The following COL4A6 variants were observed in gnomAD, a reference collection of about 807,000 sequenced individuals.
COL4A6 encodes collagen alpha-6(IV) chain.
COL4A6 carries 59 observed loss-of-function variants against 126.7 expected under a neutral mutation model. That is an observed-to-expected ratio of 0.47 (90% CI 0.38 to 0.58). COL4A6 has a LOEUF of 0.58. Among genes scored for constraint, COL4A6 ranks in the 20% least tolerant of loss-of-function variants. COL4A6 has a pLI of 0.00. For synonymous variants in COL4A6, 547 were observed against 496.6 expected (o/e 1.10, Z -1.35); for missense variants, 1,285 against 1,337.3 (o/e 0.96, Z 0.61).
intron 2 of COL4A6, among the ~76,000 whole-genome samples, chrX:108,342,552 T>C (rs940238752): frequency 4.5e-5 from 5 of 111,775 alleles, no homozygotes; most frequent in Non-Finnish European, 9.4e-5. Context: ...CTAACACCCC[T>C]TTTGAACCAA....
chrX:108,203,475 C>T, intron 12 of COL4A6, among the ~76,000 whole-genome samples: 2 of 112,419 alleles, frequency 1.8e-5, no homozygotes, highest in Middle Eastern at 9.1e-3. Context: ...AGGAAGCAGA[C>T]AATCTCTTTC....
chrX:108,404,113 A>G (rs1196147516), intron 2 of COL4A6, among the ~76,000 whole-genome samples: 2 of 111,323 alleles, frequency 1.8e-5, no homozygotes, highest in Non-Finnish European at 3.8e-5. Flanking sequence ...TTGATCTTGA[A>G]CTTCCCAGCC....
chrX:108,175,076 C>A lies in COL4A6; in HGVS notation c.2956+14G>T. On this transcript the variant is annotated intron_variant, in intron 30 of 44. Coordinates refer to ENST00000334504, the MANE Select transcript of COL4A6 (RefSeq NM_033641.4). ...CTCTTGAGCATTTCTCCTATCCATCCCCTGCCCCAGCACCTCTTGGCCCAG... is the reference window on the plus strand; with the variant it reads ...CTCTTGAGCATTTCTCCTATCCATCACCTGCCCCAGCACCTCTTGGCCCAG... 1 of 1,173,190 alleles carries A rather than the reference C, an allele frequency of 8.5e-7. No individual in the cohort carries two copies.
chrX:108,230,554 A>G (rs1164801085), intron 3 of COL4A6, among the ~76,000 whole-genome samples: 1 of 111,872 alleles, frequency 8.9e-6, no homozygotes, highest in East Asian at 2.8e-4. Flanking sequence ...GAACTTAACA[A>G]ACTTTACCTC....
At chrX:108,299,030 A>G (rs1452957030) in intron 3 of COL4A6, among the ~76,000 whole-genome samples, 1 of 111,204 alleles carries the variant, frequency 9.0e-6, no homozygotes, top group Non-Finnish European at 1.9e-5. Context: ...AACCCACGTT[A>G]GGCATCTTGG....
chrX:108,269,713 G>T (rs2037399397), intron 3 of COL4A6, among the ~76,000 whole-genome samples: 1 of 111,990 alleles, frequency 8.9e-6, no homozygotes, highest in South Asian at 3.7e-4. Flanking sequence ...TAGTATTTTG[G>T]TGTTTGAGGC....
At chrX:108,435,579 T>C (rs936800995) in intron 2 of COL4A6, among the ~76,000 whole-genome samples, 2 of 112,218 alleles carry the variant, frequency 1.8e-5, no homozygotes, top group African/African-American at 6.5e-5. Flanking sequence ...TCCTAGATTC[T>C]ATTTTATGCA....
chrX:108,351,434 C>CTGTG (rs1491069048), intron 2 of COL4A6, among the ~76,000 whole-genome samples: 1 of 83,531 alleles, frequency 1.2e-5, no homozygotes, highest in African/African-American at 5.2e-5. Flanking sequence ...GGAGGTAACT[C>CTGTG]TCTCTCTCTG....
At chrX:108,300,364 C>CTG (rs1323234155) in intron 3 of COL4A6, among the ~76,000 whole-genome samples, 22 of 96,844 alleles carry the variant, frequency 2.3e-4, no homozygotes, top group African/African-American at 7.4e-4. Flanking sequence ...CTCTCTCTCT[C>CTG]TCTGTGTGTG....
intron 2 of COL4A6, among the ~76,000 whole-genome samples, chrX:108,370,353 G>A (rs776730983): frequency 9.0e-5 from 10 of 111,650 alleles, no homozygotes; most frequent in Non-Finnish European, 1.7e-4. Context: ...GAGATGGTAT[G>A]TACTAGGTTC....
intron 2 of COL4A6, among the ~76,000 whole-genome samples, chrX:108,407,325 C>A (rs1025456584): frequency 9.8e-5 from 11 of 112,002 alleles, no homozygotes; most frequent in Admixed American, 3.8e-4. Context: ...CTGAGGAACT[C>A]TTTACCACCA....
intron 2 of COL4A6, among the ~76,000 whole-genome samples, chrX:108,391,058 C>G (rs2040826166): frequency 9.0e-6 from 1 of 111,383 alleles, no homozygotes. Flanking sequence ...GGTGTTCCTT[C>G]CTCTGGAAGC....
chrX:108,391,362 G>GAAAAAA (rs1569453682), intron 2 of COL4A6, among the ~76,000 whole-genome samples: 34 of 111,893 alleles, frequency 3.0e-4, no homozygotes, highest in Non-Finnish European at 9.4e-5. Flanking sequence ...CCCTGACTGG[G>GAAAAAA]GCTGCTGCCT....
At chrX:108,355,813 G>C (rs980760061) in intron 2 of COL4A6, among the ~76,000 whole-genome samples, 1 of 111,997 alleles carries the variant, frequency 8.9e-6, no homozygotes, top group Non-Finnish European at 1.9e-5. Context: ...CAGATAATTA[G>C]CAGGCAGATA....
chrX:108,331,848 T>C (rs1482586672), intron 2 of COL4A6, among the ~76,000 whole-genome samples: 3 of 111,328 alleles, frequency 2.7e-5, no homozygotes, highest in Admixed American at 9.6e-5. Context: ...CAAAGTCTAC[T>C]GATTTATTGA....
chrX:108,438,443 G>A, upstream of COL4A6: 1 of 1,002,006 alleles, frequency 1.0e-6, no homozygotes, highest in Non-Finnish European at 1.3e-6. Context: ...AGCAGGAGAG[G>A]AAAGAATGGA....
chrX:108,238,109 TG>T (rs1285537269), intron 3 of COL4A6, among the ~76,000 whole-genome samples: 4 of 103,958 alleles, frequency 3.8e-5, no homozygotes, highest in African/African-American at 1.5e-4. Context: ...TGTGTGTGTG[TG>T]TGTTTTTTTT....
chrX:108,219,058 A>T (rs1448486321), intron 5 of COL4A6, among the ~76,000 whole-genome samples: 1 of 112,451 alleles, frequency 8.9e-6, no homozygotes, highest in Admixed American at 9.4e-5. Context: ...AGGCACAGAT[A>T]CAGGATGAAA....
intron 7 of COL4A6, among the ~76,000 whole-genome samples, chrX:108,210,466 A>C (rs1395098456): frequency 8.9e-6 from 1 of 112,606 alleles, no homozygotes; most frequent in East Asian, 2.8e-4. Flanking sequence ...ATTATGTTTT[A>C]ATTACTTTGC....
Sources: allele counts gnomAD v4.1 joint callset (sites outside exome capture counted in the v4.1 genomes callset), GRCh38; gene constraint gnomAD v4.1.1; transcripts MANE v1.5; gene names NCBI Gene and HGNC (gene_info 2026-07-23, HGNC 2026-07-21).